Variants in KNDC1 observed in about 807,000 individuals in gnomAD.
KNDC1 encodes kinase non-catalytic C-lobe domain containing 1.
Under a neutral mutation model 172.8 loss-of-function variants are expected in KNDC1, and 106 were observed. The ratio of observed to expected loss-of-function variants is 0.61; its 90% CI spans 0.52 to 0.72. KNDC1 has a LOEUF of 0.72. KNDC1 is among the 30% of genes least tolerant of loss of function. The pLI, the probability that KNDC1 is intolerant of heterozygous loss-of-function variation, is 0.00. For synonymous variants in KNDC1, 1,083 were observed against 1,062.2 expected (o/e 1.02, Z -0.38); for missense variants, 2,325 against 2,394.5 (o/e 0.97, Z 0.61).
At chr10:133,179,228 C>T (rs1853644369) in intron 3 of KNDC1, 1 of 118,724 alleles carries the variant, frequency 8.4e-6, no homozygotes, top group Non-Finnish European at 1.9e-5. Flanking sequence ...TATGGGGTTC[C>T]TGCCCCGAAA....
rs533773684 is a variant in KNDC1, at chr10:133,209,539, C to T, written c.3795-1072C>T. Among the ~76,000 whole-genome samples the T allele has an allele frequency of 7.3e-5, 11 of 151,408 alleles. No individual in the cohort carries two copies. The highest frequency in any genetic ancestry group is 7.2e-4 in the Admixed American group (11 of 15,224). ...TGGCTTTGTGCATGTGTGTGGTGTG[C>T]GCGTCTGGTTGTCGAGTTCTGTGTG... On this transcript the variant is annotated intron_variant, in intron 20 of 29. Coordinates refer to ENST00000304613, the MANE Select transcript of KNDC1 (RefSeq NM_152643.8). The surrounding 1 kb of genome is among the most constrained non-coding windows in gnomAD (Gnocchi z 4.9).
chr10:133,185,149 C>T (rs11101621), intron 5 of KNDC1, among the ~76,000 whole-genome samples: 3,198 of 150,048 alleles, frequency 0.021, 46 homozygotes, highest in Middle Eastern at 0.035. Flanking sequence ...TGTGCTGCTG[C>T]GGGAGGGGCG....
intron 14 of KNDC1, 62 bp from the exon 15 acceptor site, chr10:133,199,396 A>C: frequency 1.3e-6 from 2 of 1,590,590 alleles, no homozygotes; most frequent in Non-Finnish European, 1.7e-6. Context: ...CATCAGCCAC[A>C]AGGGAACCAG....
intron 3 of KNDC1, chr10:133,179,070 T>G (rs1853639817): frequency 6.6e-6 from 1 of 152,268 alleles, no homozygotes; most frequent in Non-Finnish European, 1.5e-5. Flanking sequence ...TTTTATGATC[T>G]TATGAATTTA....
At position 133,163,776 on chromosome 10, in the gene KNDC1, G is replaced by C. The variant is rs555444681; in HGVS notation, c.102+3207G>C. On this transcript the variant is annotated intron_variant, in intron 1 of 29. Transcript: ENST00000304613. This position sits in a 1 kb window ranked among gnomAD's most constrained non-coding sequence, Gnocchi z 4.4. ...CTAATGGGGACCTGCCATGAGATAA[G>C]GGTCCTCGGTGGGAAGCGTGCCCTG... Among the ~76,000 whole-genome samples, 22 of 152,310 alleles carry C rather than the reference G, an allele frequency of 1.4e-4. 1 individual carries two copies. The South Asian group carries it at 4.6e-3, about 32-fold the overall frequency.
At chr10:133,182,303 G>T (rs1853741048) in intron 3 of KNDC1, among the ~76,000 whole-genome samples, 1 of 152,190 alleles carries the variant, frequency 6.6e-6, no homozygotes, top group Admixed American at 6.5e-5. Context: ...CCAGGACACG[G>T]ATGCGCGTCC....
intron 23 of KNDC1, among the ~76,000 whole-genome samples, chr10:133,212,180 A>G (rs1371482386): frequency 6.6e-6 from 1 of 151,586 alleles, no homozygotes; most frequent in Non-Finnish European, 1.5e-5. Context: ...ACCCTCACAC[A>G]TATCCACACC....
chr10:133,191,067 G>A (rs954814726), intron 9 of KNDC1, among the ~76,000 whole-genome samples: 5 of 152,234 alleles, frequency 3.3e-5, no homozygotes, highest in African/African-American at 9.6e-5. Flanking sequence ...GGCCGGGCAT[G>A]GTGACTCACG....
rs12770308 is a variant in KNDC1 at position 133,222,008 on chromosome 10, G to A, written c.5018+1896G>A. ...GCCTGTAACCCTAGGTGGGCCGGGC[G>A]CGGTGGCTCACGCCAGTAACTCTAA... On this transcript the variant is annotated intron_variant, in intron 29 of 29. Coordinates refer to ENST00000304613, the MANE Select transcript of KNDC1 (RefSeq NM_152643.8). 9.3e-4 allele frequency among the ~76,000 whole-genome samples: 134 copies of A among 143,446 alleles called. 32 individuals are homozygous for A. The highest frequency in any genetic ancestry group is 8.6e-3 in the Admixed American group (124 of 14,352). 94.1% of individuals were successfully genotyped at this position (143,446 alleles called of 152,430 possible). A position where few individuals can be genotyped will look rare whatever the true frequency, so the allele number is the denominator to read the frequency against.
At chr10:133,167,737 C>T (rs547742186) in intron 2 of KNDC1, among the ~76,000 whole-genome samples, 158 bp downstream of exon 2, 85 of 152,226 alleles carry the variant, frequency 5.6e-4, no homozygotes, top group Non-Finnish European at 9.0e-4. Context: ...GGGACTCAGG[C>T]TGGAGAGTGG....
rs1853998341 is a variant in KNDC1, at chr10:133,188,801, A to G, written c.1441+148A>G. On this transcript the variant is annotated intron_variant, in intron 7 of 29. Transcript: ENST00000304613. ...CCATCACCCCTGCCGTCCCATGCGT[A>G]ACTGGCCCCCACCTGAACCAAGGGA... 8 of 557,628 alleles carry G rather than the reference A, an allele frequency of 1.4e-5. No individual in the cohort carries two copies. In the East Asian group the frequency reaches 2.5e-4, roughly 18 times the overall value. 34.5% of individuals were successfully genotyped at this position (557,628 alleles called of 1,614,324 possible).
intron 15 of KNDC1, 62 bp from the exon 16 acceptor site, chr10:133,200,313 T>G: frequency 5.3e-6 from 7 of 1,309,508 alleles, no homozygotes; most frequent in Non-Finnish European, 7.3e-6. Context: ...CCCCGCCCTG[T>G]GGAGACTGTG....
rs1363433802 is a variant in KNDC1 at position 133,189,817 on chromosome 10, C to T, written c.1575+4C>T. 2 of 1,611,964 alleles carry T rather than the reference C, an allele frequency of 1.2e-6. No homozygotes were observed. Among genetic ancestry groups the T allele is most frequent in the Non-Finnish European group, 1.7e-6 (2 of 1,179,348 alleles). ...GGAGAGGCTGGTAACTGAAAAGGTA[C>T]CCGGGCCCTCCCCACCCTGCCCCAG... On this transcript the variant is annotated splice_donor_region_variant and intron_variant, in intron 9 of 29. Transcript: ENST00000304613.
At chr10:133,215,418 C>A (rs536911833) in intron 26 of KNDC1, among the ~76,000 whole-genome samples, 2 of 152,224 alleles carry the variant, frequency 1.3e-5, no homozygotes, top group Non-Finnish European at 2.9e-5. Flanking sequence ...GCAGAGGCAC[C>A]GCCTTCTCTC....
intron 25 of KNDC1, 23 bp downstream of exon 25, chr10:133,213,750 T>C: frequency 1.2e-6 from 2 of 1,608,484 alleles, no homozygotes; most frequent in Non-Finnish European, 1.7e-6. Flanking sequence ...GACCCTCAGC[T>C]GGGAGCGGTG....
chr10:133,191,905 C>G (rs1009673315), intron 9 of KNDC1, among the ~76,000 whole-genome samples: 1 of 152,224 alleles, frequency 6.6e-6, no homozygotes, highest in African/African-American at 2.4e-5. Flanking sequence ...GCCCTGGCCC[C>G]AGGTGGCCTC....
At chr10:133,198,306 C>G (rs959069046) in intron 12 of KNDC1, 31 bp from the exon 13 acceptor site, 11 of 1,525,322 alleles carry the variant, frequency 7.2e-6, no homozygotes, top group African/African-American at 1.4e-5. Flanking sequence ...CCACTCCGCC[C>G]GCCCACACCC....
In KNDC1 at chr10:133,186,182, G is replaced by A; in HGVS notation, c.834G>A (p.Leu278=). 6.4e-7 allele frequency: 1 copy of A among 1,574,410 alleles called. No homozygotes were observed. Among genetic ancestry groups the A allele is most frequent in the South Asian group, 1.2e-5 (1 of 85,662 alleles). Residue 278 remains leucine, a synonymous_variant, in exon 6 of 30, where the codon CTG becomes CTA. Coordinates refer to ENST00000304613, the MANE Select transcript of KNDC1 (RefSeq NM_152643.8). ...RNGESHSREG[L]AGLVLDAERT... is the part of the protein sequence containing the mutation. ...GCGAGAGCCACAGCCGGGAGGGGCT[G>A]GCCGGCCTCGTCCTGGATGCCGAGC...
chr10:133,175,262 G>A (rs1853498773), intron 3 of KNDC1, among the ~76,000 whole-genome samples: 1 of 150,730 alleles, frequency 6.6e-6, no homozygotes, highest in East Asian at 2.0e-4. Context: ...TGGATAGATG[G>A]GTGGATGGTG....
Sources: gnomAD v4.1 joint callset for allele counts (sites outside exome capture counted in the v4.1 genomes callset) on GRCh38, gnomAD v4.1.1 for gene constraint, Gnocchi (gnomAD v3.1) non-coding constraint, MANE v1.5 for transcripts, NCBI Gene and HGNC (gene_info 2026-07-23, HGNC 2026-07-21) for gene names.